Variants in DNAJC6 observed in about 807,000 individuals in gnomAD.
DNAJC6 encodes DnaJ heat shock protein family (Hsp40) member C6, also known as auxilin.
Under a neutral mutation model 110.0 loss-of-function variants are expected in DNAJC6, and 34 were observed. The observed-to-expected ratio is 0.31, with a 90% CI of 0.24 to 0.41. The LOEUF (loss-of-function observed/expected upper bound fraction) is 0.41, where lower values mean the gene tolerates loss of function less well. Among genes scored for constraint, DNAJC6 ranks in the 10% least tolerant of loss-of-function variants. The probability of loss-of-function intolerance (pLI) is 1.00; values close to 1 mark genes in which losing one functional copy is unlikely to be tolerated. For missense variants in DNAJC6, 1,031 were observed against 1,207.8 expected, an observed-to-expected ratio of 0.85 and a Z score of 2.17; for synonymous variants, 406 against 437.2, an observed-to-expected ratio of 0.93 and a Z score of 0.89.
intron 1 of DNAJC6, among the ~76,000 whole-genome samples, chr1:65,338,810 G>A (rs1645361531): frequency 6.6e-6 from 1 of 152,164 alleles, no homozygotes; most frequent in African/African-American, 2.4e-5. Context: ...TGGATGTGAG[G>A]TATGAGAATA....
chr1:65,339,161 G>C (rs1430200872), intron 1 of DNAJC6, among the ~76,000 whole-genome samples: 1 of 152,082 alleles, frequency 6.6e-6, no homozygotes, highest in African/African-American at 2.4e-5. Context: ...TAAATAAATA[G>C]GCCAGGTGTA....
At chr1:65,380,171 T>G (rs1645803711) in intron 5 of DNAJC6, among the ~76,000 whole-genome samples, 5 of 152,234 alleles carry the variant, frequency 3.3e-5, no homozygotes, top group Admixed American at 3.3e-4. Flanking sequence ...TAAGCTCTTC[T>G]CCTGCATATT....
chr1:65,268,970 T>A (rs1653422137), intron 1 of DNAJC6, among the ~76,000 whole-genome samples: 1 of 152,182 alleles, frequency 6.6e-6, no homozygotes, highest in Non-Finnish European at 1.5e-5. Context: ...AGAAAATAGT[T>A]CTCATTCCAA....
chr1:65,276,958 G>C (rs1190110148), intron 1 of DNAJC6, among the ~76,000 whole-genome samples: 1 of 152,094 alleles, frequency 6.6e-6, no homozygotes, highest in Non-Finnish European at 1.5e-5. Context: ...AGAAAGTCAG[G>C]CTCACCTCAG....
At chr1:65,378,971 T>G (rs10493375) in intron 4 of DNAJC6, among the ~76,000 whole-genome samples, 37,966 of 152,148 alleles carry the variant, frequency 0.25, 8,268 homozygotes, top group East Asian at 0.61. Flanking sequence ...CAAGCCTGCC[T>G]TTGGCTCACT....
At chr1:65,336,033 T>C (rs1019140127) in intron 1 of DNAJC6, among the ~76,000 whole-genome samples, 2 of 152,100 alleles carry the variant, frequency 1.3e-5, no homozygotes, top group Non-Finnish European at 2.9e-5. Context: ...AATATAAAAA[T>C]ATTATATACA....
chr1:65,309,668 C>G lies in DNAJC6; in HGVS notation c.-78C>G, dbSNP rs1217672033. The stretch of plus-strand genomic sequence containing the variant: ...CTTAATTTTTTTTTTTTTTTAATTC[C>G]TTCTTCAGCCCTTTCCACCTTCCAT... On this transcript the variant is annotated 5_prime_UTR_variant, in exon 1 of 19. Transcript: ENST00000371069. The G allele has an allele frequency of 7.0e-7, 1 of 1,434,906 alleles. No individual in the cohort carries two copies. The highest frequency in any genetic ancestry group is 9.1e-7 in the Non-Finnish European group (1 of 1,094,412). 88.9% of individuals were successfully genotyped at this position (1,434,906 alleles called of 1,614,324 possible). A position where few individuals can be genotyped will look rare whatever the true frequency, so the allele number is the denominator to read the frequency against.
In DNAJC6 at chr1:65,394,991, C is replaced by T. The variant is rs1645963114; in HGVS notation, c.1997C>T (p.Pro666Leu). 2.5e-6 allele frequency: 4 copies of T among 1,612,286 alleles called. No individual in the cohort carries two copies. Among genetic ancestry groups the T allele is most frequent in the African/African-American group, 1.3e-5 (1 of 74,888 alleles). ...AACACATCCAGTGCTTCCAGTGACC[C>T]CTTTCTCCAGCCAACAAGAAGTCCT... ...FLNTSSASSD[P>L]FLQPTRSPSP... Residue 666 changes from proline to leucine, a missense_variant, in exon 13 of 19, where the codon CCC (proline) becomes CTC (leucine). Pro to Leu is a moderately conservative substitution (Grantham distance 98). Transcript: ENST00000371069.
intron 1 of DNAJC6, among the ~76,000 whole-genome samples, chr1:65,351,101 T>C (rs570353407): frequency 2.0e-5 from 3 of 152,158 alleles, no homozygotes; most frequent in African/African-American, 7.2e-5. Context: ...AGTTTTTGTA[T>C]TTTGATCCCT....
intron 1 of DNAJC6, among the ~76,000 whole-genome samples, chr1:65,324,789 A>G (rs909558921): frequency 2.6e-5 from 4 of 152,202 alleles, no homozygotes; most frequent in Non-Finnish European, 5.9e-5. Flanking sequence ...AGTTGACACA[A>G]TAGTGGGGGG....
At chr1:65,411,816 A>T (rs904160511) in intron 18 of DNAJC6, among the ~76,000 whole-genome samples, 9 of 151,998 alleles carry the variant, frequency 5.9e-5, no homozygotes, top group African/African-American at 1.7e-4. Flanking sequence ...CAAAAAAAAT[A>T]AAAAAATTAG....
chr1:65,295,349 G>T (rs1644919628), intron 1 of DNAJC6, among the ~76,000 whole-genome samples: 1 of 152,086 alleles, frequency 6.6e-6, no homozygotes, highest in South Asian at 2.1e-4. Flanking sequence ...AGAAAGAATG[G>T]CTCCTTCAAC....
At chr1:65,292,308 G>A (rs1230495434) in intron 1 of DNAJC6, among the ~76,000 whole-genome samples, 1 of 147,720 alleles carries the variant, frequency 6.8e-6, no homozygotes, top group East Asian at 2.0e-4. Context: ...ATGAGCCACC[G>A]CACCCGGCCT....
intron 1 of DNAJC6, among the ~76,000 whole-genome samples, chr1:65,297,418 AT>A (rs1337648615): frequency 9.9e-5 from 15 of 152,168 alleles, no homozygotes; most frequent in Admixed American, 9.2e-4. Flanking sequence ...TGATTTTCTT[AT>A]CTTTAAATTG....
intron 1 of DNAJC6, among the ~76,000 whole-genome samples, chr1:65,274,750 ATGTGT>A (rs572690477): frequency 2.2e-4 from 34 of 152,292 alleles, no homozygotes; most frequent in Admixed American, 2.0e-3. Flanking sequence ...ATAATTATTG[ATGTGT>A]TAAGTGCTAT....
Position 65,309,909 on chromosome 1 carries a change from C to T in DNAJC6, c.164C>T (p.Pro55Leu), listed in dbSNP as rs916872480. 3.9e-6 allele frequency: 6 copies of T among 1,536,056 alleles called. No homozygotes were observed. In the Admixed American group the frequency reaches 8.0e-5, roughly 20 times the overall value. Residue 55 changes from proline to leucine, a missense_variant, in exon 1 of 19, where the codon CCG becomes CTG. Physicochemically the swap from Pro to Leu is moderately conservative, Grantham distance 98 (BLOSUM62 -3). Coordinates refer to ENST00000371069, the MANE Select transcript of DNAJC6 (RefSeq NM_001256864.2). Reference protein sequence around the residue: ...AAARSPARQPPDRASTMDSSG... With the variant: ...AAARSPARQPLDRASTMDSSG... ...GCGCGGAGTCCCGCCCGACAGCCTC[C>T]GGACCGCGCCAGCACCATGGACAGC...
At chr1:65,342,734 A>C (rs1645400651) in intron 1 of DNAJC6, among the ~76,000 whole-genome samples, 1 of 152,208 alleles carries the variant, frequency 6.6e-6, no homozygotes, top group Non-Finnish European at 1.5e-5. Flanking sequence ...AAGGGTGCTT[A>C]ATAAGTGATG....
At chr1:65,276,093 G>T (rs990530102) in intron 1 of DNAJC6, among the ~76,000 whole-genome samples, 1 of 152,016 alleles carries the variant, frequency 6.6e-6, no homozygotes, top group African/African-American at 2.4e-5. Context: ...TGTTGGCCAG[G>T]CTGGTCTTGA....
intron 4 of DNAJC6, among the ~76,000 whole-genome samples, chr1:65,369,756 G>A (rs754789989): frequency 6.6e-6 from 1 of 152,142 alleles, no homozygotes; most frequent in Non-Finnish European, 1.5e-5. Flanking sequence ...GCTGTTTCCA[G>A]GAAGATTTTA....
Sources: allele counts gnomAD v4.1 joint callset (sites outside exome capture counted in the v4.1 genomes callset), GRCh38; gene constraint gnomAD v4.1.1; transcripts MANE v1.5; gene names NCBI Gene and HGNC (gene_info 2026-07-23, HGNC 2026-07-21).